Variants in AAAS observed in about 807,000 individuals in gnomAD.
AAAS encodes aladin WD repeat nucleoporin, also known as aladin.
Under a neutral mutation model 75.6 loss-of-function variants are expected in AAAS, and 60 were observed. The ratio of observed to expected loss-of-function variants is 0.79; its 90% CI spans 0.64 to 0.98. The LOEUF is 0.98. Ranked by LOEUF, AAAS falls within the 50% of genes least tolerant of loss-of-function variation. The probability of loss-of-function intolerance (pLI) is 0.00; values close to 1 mark genes in which losing one functional copy is unlikely to be tolerated. For missense variants in AAAS, 658 were observed against 686.9 expected (o/e 0.96, Z 0.47); for synonymous variants, 271 against 265.0 (o/e 1.02, Z -0.22).
At chr12:53,315,461 T>C (rs1430140673) in intron 3 of AAAS, 35 bp from the exon 4 acceptor site, 2 of 1,575,814 alleles carry the variant, frequency 1.3e-6, no homozygotes, top group Non-Finnish European at 1.7e-6. Flanking sequence ...GATTAAACCA[T>C]TCACAGGCCT....
chr12:53,311,713 G>A (rs550498173), intron 7 of AAAS, among the ~76,000 whole-genome samples: 1 of 152,206 alleles, frequency 6.6e-6, no homozygotes, highest in East Asian at 1.9e-4. Context: ...TCAAGAGTTT[G>A]AGACCAGCCT....
Position 53,314,338 on chromosome 12 carries a change from T to C in AAAS, c.649A>G (p.Ile217Val), listed in dbSNP as rs1174490469. The C allele has an allele frequency of 6.2e-7, 1 of 1,614,138 alleles. No homozygotes were observed. Among genetic ancestry groups the C allele is most frequent in the South Asian group, 1.1e-5 (1 of 91,076 alleles). Residue 217 changes from isoleucine to valine, a missense_variant, in exon 7 of 16, where the codon ATT becomes GTT. Ile to Val is a conservative substitution (Grantham distance 29). Transcript: ENST00000209873. ...SVLAVACQSCILIWTLDPTSL... is the reference protein window; with the variant it reads ...SVLAVACQSCVLIWTLDPTSL... ...GTAGGGTCCAGGGTCCAGATAAGAATGCAGCTCTGGCAGGCCACAGCCAAG... is the reference window on the plus strand; with the variant it reads ...GTAGGGTCCAGGGTCCAGATAAGAACGCAGCTCTGGCAGGCCACAGCCAAG...
chr12:53,317,693 G>A (rs1592521544), intron 2 of AAAS, among the ~76,000 whole-genome samples: 2 of 151,918 alleles, frequency 1.3e-5, no homozygotes, highest in South Asian at 4.1e-4. Flanking sequence ...AGCGAGCTGA[G>A]ATCACGCCAC....
chr12:53,315,507 G>T, intron 3 of AAAS, 81 bp from the exon 4 acceptor site: 1 of 1,359,992 alleles, frequency 7.4e-7, no homozygotes, highest in Non-Finnish European at 1.0e-6. Context: ...GACAAGGAAG[G>T]ACAGGCACTC....
rs868408682 is a variant in AAAS at position 53,309,357 on chromosome 12, A to G, written c.811-76T>C. The stretch of plus-strand genomic sequence containing the variant: ...CACAGTGGGCTGGCCTCTCTAATGT[A>G]CAAAGAGCCAGAAACGAGAGGAAGC... On this transcript the variant is annotated intron_variant, in intron 8 of 15. Transcript: ENST00000209873. 55 of 1,598,126 alleles carry G rather than the reference A, an allele frequency of 3.4e-5. No individual in the cohort carries two copies. In the Middle Eastern group the frequency reaches 1.3e-3, roughly 39 times the overall value.
At chr12:53,311,895 C>A (rs1034979427) in intron 7 of AAAS, among the ~76,000 whole-genome samples, 1 of 151,790 alleles carries the variant, frequency 6.6e-6, no homozygotes, top group African/African-American at 2.4e-5. Flanking sequence ...CCAGCCTGGG[C>A]GACAGAGTGA....
In AAAS at chr12:53,315,725, ACC is replaced by A; in HGVS notation, c.307_307+1del. On this transcript the variant is annotated splice_donor_variant and coding_sequence_variant, in exon 3 of 16. Coordinates refer to ENST00000209873, the MANE Select transcript of AAAS (RefSeq NM_015665.6). LOFTEE classifies it high-confidence loss of function. The stretch of plus-strand genomic sequence containing the variant: ...GGGAAGGCTGGAGGGAAAAATACTT[ACC>A]CTCTTCTTCTGAGTTTGCAATTTCA... 1 of 1,613,282 alleles carries A rather than the reference ACC, an allele frequency of 6.2e-7. No homozygotes were observed. The highest frequency in any genetic ancestry group is 1.7e-4 in the Middle Eastern group (1 of 6,060).
intron 5 of AAAS, 57 bp downstream of exon 5, chr12:53,315,037 G>T: frequency 2.5e-6 from 4 of 1,590,450 alleles, no homozygotes; most frequent in Non-Finnish European, 3.5e-6. Context: ...TCTCCCCAAA[G>T]GGAGTTTTGA....
In AAAS at chr12:53,321,386, G is replaced by A. The variant is rs537884063; in HGVS notation, c.80C>T (p.Thr27Met). 15 of 1,614,142 alleles carry A rather than the reference G, an allele frequency of 9.3e-6. No individual in the cohort carries two copies. In the East Asian group the frequency reaches 2.7e-4, roughly 29 times the overall value. The change falls in exon 1 of 16, where the codon ACG becomes ATG. Residue 27 changes from threonine (T) to methionine (M), a missense_variant. Coordinates refer to ENST00000209873, the MANE Select transcript of AAAS (RefSeq NM_015665.6). ...TLYEHNNELVTGSSYESPPPD... is the reference protein window; with the variant it reads ...TLYEHNNELVMGSSYESPPPD... ...GGGCGGGCTCTCATAGCTACTGCCC[G>A]TCACCAGCTCGTTATTGTGCTCATA...
At chr12:53,309,862 G>A (rs921660111) in intron 7 of AAAS, 141 bp from the exon 8 acceptor site, 19 of 1,278,794 alleles carry the variant, frequency 1.5e-5, no homozygotes, top group Non-Finnish European at 1.5e-5. Flanking sequence ...AAGGAATAAG[G>A]ATTGTGAAAG....
At chr12:53,312,453 T>G (rs1026819022) in intron 7 of AAAS, among the ~76,000 whole-genome samples, 1 of 148,858 alleles carries the variant, frequency 6.7e-6, no homozygotes, top group Non-Finnish European at 1.5e-5. Flanking sequence ...TAGTCCCAGC[T>G]ACTTGGGAGG....
chr12:53,310,205 C>G (rs948239518), intron 7 of AAAS, among the ~76,000 whole-genome samples: 2 of 152,218 alleles, frequency 1.3e-5, no homozygotes, highest in Non-Finnish European at 2.9e-5. Flanking sequence ...AAACAGCCCT[C>G]CTGCCTTGCC....
At chr12:53,315,676 G>GGA (rs1944450992) in intron 3 of AAAS, 51 bp downstream of exon 3, 1 of 1,596,526 alleles carries the variant, frequency 6.3e-7, no homozygotes. Flanking sequence ...TCAAGAATAT[G>GGA]GAGAGGAGAT....
chr12:53,308,903 AG>A, intron 10 of AAAS, 56 bp downstream of exon 10: 32 of 1,613,330 alleles, frequency 2.0e-5, no homozygotes, highest in Non-Finnish European at 2.7e-5. Flanking sequence ...TGGGAGCATC[AG>A]GGGCCCATTG....
intron 2 of AAAS, among the ~76,000 whole-genome samples, chr12:53,319,443 T>A (rs1334743742): frequency 1.3e-5 from 2 of 152,198 alleles, no homozygotes; most frequent in Admixed American, 1.3e-4. Flanking sequence ...AGCAATCTGC[T>A]GGCCTCAGCC....
intron 14 of AAAS, 30 bp from the exon 15 acceptor site, chr12:53,307,959 G>C: frequency 6.2e-7 from 1 of 1,613,534 alleles, no homozygotes; most frequent in Non-Finnish European, 8.5e-7. Flanking sequence ...GGCAACCGGA[G>C]GCAAGAAGGG....
chr12:53,317,176 G>A (rs1175743673), intron 2 of AAAS, among the ~76,000 whole-genome samples: 1 of 152,118 alleles, frequency 6.6e-6, no homozygotes, highest in Non-Finnish European at 1.5e-5. Flanking sequence ...TGTAATCCCA[G>A]CACGCTGGGA....
chr12:53,308,602 G>A, intron 11 of AAAS, 74 bp from the exon 12 acceptor site: 2 of 1,598,478 alleles, frequency 1.3e-6, no homozygotes, highest in Non-Finnish European at 1.7e-6. Flanking sequence ...GCTCACCAAA[G>A]GCATCAACAC....
In AAAS at chr12:53,321,412, TAG is replaced by T. The variant is rs1282633908; in HGVS notation, c.52_53del (p.Leu18IlefsTer2). ...PPPPPRGQVT[L>X]YEHNNELVTG... ...TCACCAGCTCGTTATTGTGCTCATA[TAG>T]GGTGACTTGACCCCGAGGCGGTGGA... On this transcript the variant is annotated frameshift_variant, in exon 1 of 16. Transcript: ENST00000209873. LOFTEE classifies it high-confidence loss of function. 10 of 1,614,196 alleles carry T rather than the reference TAG, an allele frequency of 6.2e-6. No individual in the cohort carries two copies. The highest frequency in any genetic ancestry group is 8.5e-6 in the Non-Finnish European group (10 of 1,180,042).
Sources: allele counts gnomAD v4.1 joint callset (sites outside exome capture counted in the v4.1 genomes callset), GRCh38; gene constraint gnomAD v4.1.1; transcripts MANE v1.5; gene names NCBI Gene and HGNC (gene_info 2026-07-23, HGNC 2026-07-21).